DGKI: variants seen among roughly 807,000 people sequenced by gnomAD.
DGKI encodes the protein diacylglycerol kinase iota.
A neutral mutation model predicts 147.5 loss-of-function variants in DGKI; 55 were observed. That is an observed-to-expected ratio of 0.37 (90% confidence interval 0.30 to 0.47). The LOEUF is 0.47. DGKI is among the 20% of genes least tolerant of loss of function. The probability of loss-of-function intolerance (pLI) is 1.00; values close to 1 mark genes in which losing one functional copy is unlikely to be tolerated. For synonymous variants in DGKI, 469 were observed against 477.1 expected (o/e 0.98, Z 0.22); for missense variants, 1,007 against 1,323.8 (o/e 0.76, Z 3.71).
At chr7:137,767,523 AAGAGAAGAGTAGAGT>A (rs1161363334) in intron 1 of DGKI, among the ~76,000 whole-genome samples, 41 of 148,702 alleles carry the variant, frequency 2.8e-4, no homozygotes, top group African/African-American at 9.3e-4. Context: ...AAGAGAAGAG[AAGAGAAGAGTAGAGT>A]AGGAGGAAGA....
intron 12 of DGKI, among the ~76,000 whole-genome samples, chr7:137,591,547 G>A (rs697598): frequency 0.024 from 3,693 of 152,196 alleles, 152 homozygotes; most frequent in African/African-American, 0.084. Context: ...ACAGCACAGC[G>A]CAGAAGTGTG....
intron 10 of DGKI, among the ~76,000 whole-genome samples, chr7:137,602,730 C>G (rs769816043): frequency 2.0e-5 from 3 of 151,916 alleles, no homozygotes; most frequent in Non-Finnish European, 4.4e-5. Context: ...ATTAATTCAC[C>G]AGGAGAAGGG....
rs3735025 is a variant in DGKI at position 137,390,098 on chromosome 7, T to C, written c.*1122A>G. 0.29 allele frequency: 44,192 copies of C among 151,918 alleles called. 7,188 individuals carry two copies. Among genetic ancestry groups the C allele is most frequent in the Admixed American group, 0.36 (5,481 of 15,284 alleles). The allele number at this position is 151,918 out of a possible 1,614,324, so 9.4% of individuals were successfully genotyped here. A position where few individuals can be genotyped will look rare whatever the true frequency, so the allele number is the denominator to read the frequency against. On this transcript the variant is annotated 3_prime_UTR_variant, in exon 33 of 33. Coordinates refer to ENST00000614521, the MANE Select transcript of DGKI (RefSeq NM_001321708.2). ...CACCACTGTATCCAACAGTCTATAGTTATTAGCCTCTGTGCAACATTCCAA... is the reference window on the plus strand; with the variant it reads ...CACCACTGTATCCAACAGTCTATAGCTATTAGCCTCTGTGCAACATTCCAA...
chr7:137,633,212 CAAAAA>C (rs575170478), intron 6 of DGKI, among the ~76,000 whole-genome samples: 9 of 65,710 alleles, frequency 1.4e-4, no homozygotes, highest in African/African-American at 3.6e-4. Context: ...AACTCGTTCT[CAAAAA>C]AAAAAAAAAA....
At chr7:137,523,342 T>C (rs367872370) in intron 20 of DGKI, among the ~76,000 whole-genome samples, 1 of 152,072 alleles carries the variant, frequency 6.6e-6, no homozygotes, top group Non-Finnish European at 1.5e-5. Context: ...TCCCTCCATA[T>C]GGAATCCCAC....
chr7:137,634,519 T>G (rs894763428), intron 6 of DGKI, among the ~76,000 whole-genome samples: 1 of 152,216 alleles, frequency 6.6e-6, no homozygotes, highest in Non-Finnish European at 1.5e-5. Context: ...TGTCATGAGC[T>G]GAGTTCTGTC....
At chr7:137,683,580 T>G (rs570541210) in intron 2 of DGKI, among the ~76,000 whole-genome samples, 1 of 152,166 alleles carries the variant, frequency 6.6e-6, no homozygotes, top group African/African-American at 2.4e-5. Flanking sequence ...ATTTCCCTTT[T>G]TGGTGCCACG....
chr7:137,846,754 A>C lies in DGKI; in HGVS notation c.109T>G (p.Cys37Gly). 9.8e-7 allele frequency: 1 copy of C among 1,022,512 alleles called. No individual in the cohort carries two copies. The highest frequency in any genetic ancestry group is 1.2e-6 in the Non-Finnish European group (1 of 856,696). The allele number at this position is 1,022,512 out of a possible 1,614,324, so 63.3% of individuals were successfully genotyped here. Residue 37 changes from cysteine (C) to glycine (G), a missense_variant, in exon 1 of 33, where the codon TGC becomes GGC. Cys to Gly is a radical substitution (Grantham distance 159, BLOSUM62 -3). This residue lies in a region of DGKI where 137 missense variants were observed against 114.4 expected (regional missense o/e 1.20). Coordinates refer to ENST00000614521, the MANE Select transcript of DGKI (RefSeq NM_001321708.2). This position sits in a 1 kb window ranked among gnomAD's most constrained non-coding sequence, Gnocchi z 4.0. ...AAAAASPPGP[C>G]SGAACAPSAA... is the part of the protein sequence containing the mutation. ...GAGGGAGCGCAGGCGGCGCCGCTGC[A>C]GGGGCCGGGCGGGCTGGCGGCGGCG...
chr7:137,420,882 G>C (rs906334972), intron 28 of DGKI, among the ~76,000 whole-genome samples: 1 of 152,120 alleles, frequency 6.6e-6, no homozygotes, highest in Admixed American at 6.5e-5. Flanking sequence ...AGCTGGGCAT[G>C]ACGGTGGAAG....
At chr7:137,707,052 A>C (rs1054677434) in intron 1 of DGKI, among the ~76,000 whole-genome samples, 2 of 152,038 alleles carry the variant, frequency 1.3e-5, no homozygotes, top group Admixed American at 1.3e-4. Context: ...ATCCTTCCTA[A>C]CAGTCTCCCC....
intron 22 of DGKI, 52 bp downstream of exon 22, chr7:137,487,558 T>C: frequency 6.7e-7 from 1 of 1,483,684 alleles, no homozygotes; most frequent in Non-Finnish European, 9.4e-7. Context: ...CTGGTAATTG[T>C]TTACAAAAAT....
intron 3 of DGKI, among the ~76,000 whole-genome samples, chr7:137,665,216 G>C (rs1275256432): frequency 1.3e-5 from 2 of 152,144 alleles, no homozygotes; most frequent in Non-Finnish European, 2.9e-5. Flanking sequence ...TCCCGTATGA[G>C]GTGATGGGGG....
intron 25 of DGKI, 85 bp from the exon 26 acceptor site, chr7:137,466,120 G>T: frequency 6.7e-7 from 1 of 1,494,516 alleles, no homozygotes; most frequent in Non-Finnish European, 9.2e-7. Flanking sequence ...TCTGCAACGT[G>T]TCAAAGGATC....
At chr7:137,694,763 A>C (rs1315290864) in intron 1 of DGKI, among the ~76,000 whole-genome samples, 1 of 152,194 alleles carries the variant, frequency 6.6e-6, no homozygotes, top group Non-Finnish European at 1.5e-5. Flanking sequence ...TCTTCAAAGC[A>C]GCTCACAGTG....
At chr7:137,436,981 T>A (rs925089688) in intron 28 of DGKI, among the ~76,000 whole-genome samples, 1 of 152,140 alleles carries the variant, frequency 6.6e-6, no homozygotes, top group Non-Finnish European at 1.5e-5. Context: ...AAGGAAAAGA[T>A]CCTTATAAGA....
chr7:137,796,155 A>C (rs112769654), intron 1 of DGKI, among the ~76,000 whole-genome samples: 28 of 152,352 alleles, frequency 1.8e-4, no homozygotes, highest in African/African-American at 6.5e-4. Flanking sequence ...AGCCAACAGA[A>C]ACTGCCTCTG....
intron 1 of DGKI, among the ~76,000 whole-genome samples, chr7:137,810,366 A>G (rs959451832): frequency 6.6e-6 from 1 of 152,212 alleles, no homozygotes; most frequent in Non-Finnish European, 1.5e-5. Context: ...TACAGAAAAA[A>G]AAATTAAGGA....
At position 137,390,962 on chromosome 7, in the gene DGKI, A is replaced by C; in HGVS notation, c.*258T>G. ...ACAGAAGTTCATGCTACTTGCTGGA[A>C]GCAATAAGGATCAAATTTTGTGGAA... is the stretch of plus-strand genomic sequence containing the variant. On this transcript the variant is annotated 3_prime_UTR_variant, in exon 33 of 33. Transcript: ENST00000614521. 1 of 477,172 alleles carries C rather than the reference A, an allele frequency of 2.1e-6. No homozygotes were observed. The highest frequency in any genetic ancestry group is 3.8e-6 in the Non-Finnish European group (1 of 266,542). The allele number at this position is 477,172 out of a possible 1,614,324, so 29.6% of individuals were successfully genotyped here.
chr7:137,458,994 G>A (rs1157643233), intron 27 of DGKI, among the ~76,000 whole-genome samples: 1 of 151,250 alleles, frequency 6.6e-6, no homozygotes, highest in African/African-American at 2.5e-5. Flanking sequence ...TTGTTATTAT[G>A]TTCACAGGTT....
Sources: gnomAD v4.1 joint callset for allele counts (sites outside exome capture counted in the v4.1 genomes callset) on GRCh38, gnomAD v4.1.1 for gene constraint, gnomAD v4.1.1 regional missense constraint, Gnocchi (gnomAD v3.1) non-coding constraint, MANE v1.5 for transcripts, NCBI Gene and HGNC (gene_info 2026-07-23, HGNC 2026-07-21) for gene names.